The following STX6 variants were observed in gnomAD, a reference collection of about 807,000 sequenced individuals.
STX6 encodes syntaxin-6.
Under a neutral mutation model 38.0 loss-of-function variants are expected in STX6, and 23 were observed. That is an observed-to-expected ratio of 0.60 (90% CI 0.43 to 0.86). STX6 has a LOEUF of 0.86. Ranked by LOEUF, STX6 falls within the 40% of genes least tolerant of loss-of-function variation. The pLI is 0.00. For missense variants in STX6, 274 were observed against 312.9 expected, an observed-to-expected ratio of 0.88 and a Z score of 0.94; for synonymous variants, 123 against 107.5, an observed-to-expected ratio of 1.14 and a Z score of -0.89.
At chr1:180,997,536 GATTT>G (rs1490084780) in intron 3 of STX6, among the ~76,000 whole-genome samples, 3 of 152,044 alleles carry the variant, frequency 2.0e-5, no homozygotes, top group Admixed American at 1.3e-4. Flanking sequence ...ATACATGCCA[GATTT>G]ATTACAAAAA....
intron 3 of STX6, among the ~76,000 whole-genome samples, chr1:181,001,119 T>TAGAAA (rs1656069471): frequency 6.6e-6 from 1 of 152,182 alleles, no homozygotes; most frequent in East Asian, 1.9e-4. Flanking sequence ...AGGCAACTAA[T>TAGAAA]GAATAAAACA....
intron 3 of STX6, among the ~76,000 whole-genome samples, chr1:180,999,793 T>A (rs1192563924): frequency 6.6e-6 from 1 of 152,102 alleles, no homozygotes; most frequent in Non-Finnish European, 1.5e-5. Flanking sequence ...GAAAGCCCAC[T>A]AGTAATAGTA....
chr1:181,010,052 T>C (rs1260758633), intron 1 of STX6, among the ~76,000 whole-genome samples: 1 of 152,154 alleles, frequency 6.6e-6, no homozygotes, highest in Non-Finnish European at 1.5e-5. Context: ...AACAGTTCAG[T>C]GTTTGCCAGG....
In STX6 at chr1:181,022,626, G is replaced by A. The variant is rs371510972; in HGVS notation, c.35+13C>T. On this transcript the variant is annotated intron_variant, in intron 1 of 7. Coordinates refer to ENST00000258301, the MANE Select transcript of STX6 (RefSeq NM_005819.6). ...CACCTCTTCCTCCGGTGGAGCGCTC[G>A]GCCGACACTCACCCTTTCACCACAA... 20 of 1,608,022 alleles carry A rather than the reference G, an allele frequency of 1.2e-5. No homozygotes were observed. In the African/African-American group the frequency reaches 1.3e-4, roughly 11 times the overall value.
chr1:180,992,412 T>A (rs1327545998), intron 4 of STX6, among the ~76,000 whole-genome samples: 1 of 152,244 alleles, frequency 6.6e-6, no homozygotes, highest in East Asian at 1.9e-4. Flanking sequence ...TATGAAGTAC[T>A]GATTGCTAGT....
At chr1:180,987,454 T>C (rs1655621086) in intron 6 of STX6, among the ~76,000 whole-genome samples, 1 of 152,218 alleles carries the variant, frequency 6.6e-6, no homozygotes. Context: ...AGAGATGGGT[T>C]GTCTTGTCTG....
At chr1:180,985,122 A>T (rs1315133489) in intron 6 of STX6, among the ~76,000 whole-genome samples, 1 of 145,798 alleles carries the variant, frequency 6.9e-6, no homozygotes, top group Non-Finnish European at 1.5e-5. Context: ...TTTCTGTAAC[A>T]TGAGCTTGCG....
chr1:180,981,720 T>A (rs1388324770), intron 7 of STX6, among the ~76,000 whole-genome samples: 1 of 152,218 alleles, frequency 6.6e-6, no homozygotes, highest in Non-Finnish European at 1.5e-5. Flanking sequence ...CTGAAGTGGC[T>A]AAGCTGCCTC....
Position 180,975,435 on chromosome 1 carries a change from G to A in STX6, c.*1135C>T, listed in dbSNP as rs1417060072. 1 of 152,516 alleles carries A rather than the reference G, an allele frequency of 6.6e-6. No homozygotes were observed. The highest frequency in any genetic ancestry group is 1.5e-5 in the Non-Finnish European group (1 of 68,028). The allele number at this position is 152,516 out of a possible 1,614,324, so 9.4% of individuals were successfully genotyped here. Reference sequence around the variant, plus strand: ...GCATCTATCATTTAAATTTGGATTGGCTCAGTTATTTGACTGCAGATGATA... The same window carrying A: ...GCATCTATCATTTAAATTTGGATTGACTCAGTTATTTGACTGCAGATGATA... On this transcript the variant is annotated 3_prime_UTR_variant, in exon 8 of 8. Coordinates refer to ENST00000258301, the MANE Select transcript of STX6 (RefSeq NM_005819.6).
chr1:181,009,223 T>C (rs149537486), intron 1 of STX6, among the ~76,000 whole-genome samples: 2,672 of 152,152 alleles, frequency 0.018, 37 homozygotes, highest in Non-Finnish European at 0.025. Context: ...TCACAGCATG[T>C]TGGGAGGCCA....
intron 7 of STX6, among the ~76,000 whole-genome samples, chr1:180,977,692 A>G (rs1435963296): frequency 2.0e-5 from 3 of 152,234 alleles, no homozygotes; most frequent in Non-Finnish European, 4.4e-5. Flanking sequence ...ATATAAAGAC[A>G]TATTGATTCA....
intron 1 of STX6, among the ~76,000 whole-genome samples, chr1:181,009,523 T>C (rs1656333603): frequency 6.9e-6 from 1 of 143,988 alleles, no homozygotes; most frequent in African/African-American, 2.6e-5. Context: ...ACCAAAGACA[T>C]ACATATGACA....
chr1:180,976,750 A>C, intron 7 of STX6, 104 bp from the exon 8 acceptor site: 1 of 1,069,154 alleles, frequency 9.4e-7, no homozygotes, highest in Non-Finnish European at 1.4e-6. Flanking sequence ...AAGGGGCAGA[A>C]CGTGCAAATG....
intron 1 of STX6, 42 bp downstream of exon 1, chr1:181,022,597 C>G: frequency 6.3e-7 from 1 of 1,593,294 alleles, no homozygotes. Context: ...GCAGGCAGCA[C>G]CGCCACCTCT....
At chr1:180,978,235 C>G (rs1655307728) in intron 7 of STX6, among the ~76,000 whole-genome samples, 1 of 152,216 alleles carries the variant, frequency 6.6e-6, no homozygotes, top group Admixed American at 6.5e-5. Flanking sequence ...AAAAGCAAAA[C>G]TCTTCTTAGA....
intron 3 of STX6, among the ~76,000 whole-genome samples, chr1:180,994,251 T>C (rs1025623601): frequency 2.0e-5 from 3 of 152,230 alleles, no homozygotes; most frequent in Non-Finnish European, 4.4e-5. Context: ...CATCAAAGTG[T>C]AAGACTTTTA....
intron 2 of STX6, 84 bp downstream of exon 2, chr1:181,005,210 A>G: frequency 1.3e-6 from 2 of 1,533,944 alleles, no homozygotes; most frequent in Non-Finnish European, 1.8e-6. Flanking sequence ...AAAATGTTTC[A>G]TCTACATACT....
At chr1:180,995,921 C>T (rs1019544547) in intron 3 of STX6, among the ~76,000 whole-genome samples, 2 of 152,018 alleles carry the variant, frequency 1.3e-5, no homozygotes, top group South Asian at 4.2e-4. Flanking sequence ...CTGGTAACAC[C>T]CTGCAATGCT....
intron 3 of STX6, among the ~76,000 whole-genome samples, chr1:181,001,916 C>A (rs1446109806): frequency 6.6e-6 from 1 of 152,168 alleles, no homozygotes; most frequent in East Asian, 1.9e-4. Flanking sequence ...TGGTGGCTCA[C>A]GCCAGTAATC....
Sources: gnomAD v4.1 joint callset for allele counts (sites outside exome capture counted in the v4.1 genomes callset) on GRCh38, gnomAD v4.1.1 for gene constraint, MANE v1.5 for transcripts, NCBI Gene and HGNC (gene_info 2026-07-23, HGNC 2026-07-21) for gene names.